Variants in CPPED1 observed in about 807,000 individuals in gnomAD.
CPPED1 encodes the protein serine/threonine-protein phosphatase CPPED1.
In CPPED1, 28 loss-of-function variants were observed where a neutral mutation model predicts 28.0. That is an observed-to-expected ratio of 1.00 (90% confidence interval 0.74 to 1.37). The LOEUF (loss-of-function observed/expected upper bound fraction) is 1.37. Among genes scored for constraint, CPPED1 ranks in the 40% most tolerant of loss-of-function variants. The probability of loss-of-function intolerance (pLI) is 0.00; values close to 1 mark genes in which losing one functional copy is unlikely to be tolerated. For missense variants in CPPED1, 504 were observed against 416.5 expected (o/e 1.21, Z -1.83); for synonymous variants, 198 against 180.2 (o/e 1.10, Z -0.79).
Position 12,696,978 on chromosome 16 carries a change from T to C in CPPED1, c.715+7646A>G, listed in dbSNP as rs558644429. On this transcript the variant is annotated intron_variant, in intron 3 of 3. Coordinates refer to ENST00000381774, the MANE Select transcript of CPPED1 (RefSeq NM_018340.3). ...CTGTACAAACCTCCAAGTTTTGCCTTATCTGCACAGTACTCATACTACTAT... is the reference window on the plus strand; with the variant it reads ...CTGTACAAACCTCCAAGTTTTGCCTCATCTGCACAGTACTCATACTACTAT... 1.5e-4 allele frequency among the ~76,000 whole-genome samples: 23 copies of C among 152,294 alleles called. No homozygotes were observed. The South Asian group carries it at 4.4e-3, about 29-fold the overall frequency.
intron 3 of CPPED1, among the ~76,000 whole-genome samples, chr16:12,700,820 A>C (rs1035785692): frequency 1.3e-5 from 2 of 152,224 alleles, no homozygotes; most frequent in African/African-American, 2.4e-5. Context: ...CTGAGAGTTT[A>C]GCGGGGATTC....
In CPPED1 at chr16:12,672,874, C is replaced by T. The variant is rs185110337; in HGVS notation, c.716-7759G>A. Among the ~76,000 whole-genome samples the T allele has an allele frequency of 1.2e-3, 185 of 152,152 alleles. 1 individual carries two copies. The highest frequency in any genetic ancestry group is 4.3e-3 in the African/African-American group (177 of 41,498). On this transcript the variant is annotated intron_variant, in intron 3 of 3. Coordinates refer to ENST00000381774, the MANE Select transcript of CPPED1 (RefSeq NM_018340.3). ...ACTAAAAATACAAAAACTAGCCAGG[C>T]GTGGTGGCAGGCGCCTGTAATCCTA...
chr16:12,669,391 G>A (rs553258437), intron 3 of CPPED1, among the ~76,000 whole-genome samples: 7 of 152,228 alleles, frequency 4.6e-5, no homozygotes, highest in Non-Finnish European at 7.4e-5. Flanking sequence ...AAAATGGTCT[G>A]CAATTAGATC....
chr16:12,720,975 T>C (rs1029469297), intron 2 of CPPED1, among the ~76,000 whole-genome samples: 2 of 152,206 alleles, frequency 1.3e-5, no homozygotes, highest in Non-Finnish European at 2.9e-5. Context: ...CATGTTGCCA[T>C]AGTATTTCAG....
chr16:12,797,809 T>C (rs2080636623), intron 1 of CPPED1, among the ~76,000 whole-genome samples: 1 of 151,926 alleles, frequency 6.6e-6, no homozygotes, highest in Non-Finnish European at 1.5e-5. Context: ...CAGCAGACCA[T>C]GGGTTGGACA....
chr16:12,785,397 G>C (rs2080556613), intron 1 of CPPED1, among the ~76,000 whole-genome samples: 1 of 150,998 alleles, frequency 6.6e-6, no homozygotes, highest in South Asian at 2.1e-4. Context: ...TTACAGGCAT[G>C]AGCCACCACA....
At chr16:12,685,136 C>G (rs1298366168) in intron 3 of CPPED1, among the ~76,000 whole-genome samples, 1 of 152,164 alleles carries the variant, frequency 6.6e-6, no homozygotes, top group Non-Finnish European at 1.5e-5. Flanking sequence ...ATTGTTTCTT[C>G]AATTTTAAAA....
At position 12,663,144 on chromosome 16, in the gene CPPED1, C is replaced by T. The variant is rs1266141797; in HGVS notation, c.*1742G>A. The T allele has an allele frequency of 2.0e-5, 3 of 151,800 alleles. No homozygotes were observed. Among genetic ancestry groups the T allele is most frequent in the Admixed American group, 6.6e-5 (1 of 15,228 alleles). 9.4% of individuals were successfully genotyped at this position (151,800 alleles called of 1,614,324 possible). ...TGGCATGATCTTGGCTCACTGCAAC[C>T]TCTGCCTCCTGAGTTCCAGCGATCT... On this transcript the variant is annotated 3_prime_UTR_variant, in exon 4 of 4. Coordinates refer to ENST00000381774, the MANE Select transcript of CPPED1 (RefSeq NM_018340.3).
At chr16:12,763,607 CCATT>C (rs2080422434) in intron 2 of CPPED1, among the ~76,000 whole-genome samples, 1 of 152,096 alleles carries the variant, frequency 6.6e-6, no homozygotes, top group South Asian at 2.1e-4. Flanking sequence ...GATGCGAGTA[CCATT>C]ATTATCTGCA....
intron 2 of CPPED1, among the ~76,000 whole-genome samples, chr16:12,737,129 G>A (rs112495695): frequency 9.9e-4 from 151 of 152,298 alleles, no homozygotes; most frequent in Middle Eastern, 3.4e-3. Flanking sequence ...GGTGGAGGTT[G>A]CAGTGAGCTG....
At chr16:12,783,552 C>T (rs2080545002) in intron 1 of CPPED1, among the ~76,000 whole-genome samples, 2 of 151,946 alleles carry the variant, frequency 1.3e-5, no homozygotes, top group South Asian at 4.2e-4. Context: ...GGAAAGGCCT[C>T]TCTGAAGTGG....
In CPPED1 at chr16:12,682,732, C is replaced by T. The variant is rs2079912136; in HGVS notation, c.716-17617G>A. ...CTCAATAATTATACTTTCCTCTCAT[C>T]CTTCTCTAAGTATCTGATCAGAAGA... On this transcript the variant is annotated intron_variant, in intron 3 of 3. Coordinates refer to ENST00000381774, the MANE Select transcript of CPPED1 (RefSeq NM_018340.3). This position sits in a 1 kb window ranked among gnomAD's most constrained non-coding sequence, Gnocchi z 6.1. Among the ~76,000 whole-genome samples the T allele has an allele frequency of 6.6e-6, 1 of 152,244 alleles. No individual in the cohort carries two copies.
chr16:12,706,039 G>A (rs1305486689), intron 2 of CPPED1, among the ~76,000 whole-genome samples: 6 of 152,084 alleles, frequency 3.9e-5, no homozygotes, highest in East Asian at 1.9e-4. Context: ...ATTGTTAGAC[G>A]TGTAAGAGTT....
chr16:12,734,409 C>T (rs1052897276), intron 2 of CPPED1, among the ~76,000 whole-genome samples: 4 of 147,440 alleles, frequency 2.7e-5, no homozygotes, highest in African/African-American at 1.0e-4. Flanking sequence ...GACGGAGTCT[C>T]GCTCTTGTCG....
chr16:12,709,936 AAGGAAGGG>A lies in CPPED1; in HGVS notation c.290-4895_290-4888del, dbSNP rs2080071448. On this transcript the variant is annotated intron_variant, in intron 2 of 3. Transcript: ENST00000381774. The surrounding 1 kb of genome is among the most constrained non-coding windows in gnomAD (Gnocchi z 4.4). ...GGAAGGGAAGGAAGGGAAGGAAGGG[AAGGAAGGG>A]AGGAAGGAAAGAAGGGAAGGAAGGC... Among the ~76,000 whole-genome samples the A allele has an allele frequency of 8.5e-6, 1 of 117,224 alleles. No homozygotes were observed. The highest frequency in any genetic ancestry group is 2.5e-4 in the East Asian group (1 of 3,946). The allele number at this position is 117,224 out of a possible 152,430, so 76.9% of individuals were successfully genotyped here.
At chr16:12,769,549 T>G (rs1260957469) in intron 2 of CPPED1, among the ~76,000 whole-genome samples, 2 of 152,132 alleles carry the variant, frequency 1.3e-5, no homozygotes, top group Non-Finnish European at 2.9e-5. Context: ...TTAAGTAATA[T>G]TCCCAGTTCC....
At chr16:12,726,567 T>C (rs2080171278) in intron 2 of CPPED1, among the ~76,000 whole-genome samples, 1 of 152,062 alleles carries the variant, frequency 6.6e-6, no homozygotes, top group South Asian at 2.1e-4. Context: ...GGTCTTGAAC[T>C]CCTGACCTCA....
At chr16:12,708,634 T>C (rs185376328) in intron 2 of CPPED1, among the ~76,000 whole-genome samples, 1 of 152,354 alleles carries the variant, frequency 6.6e-6, no homozygotes, top group East Asian at 1.9e-4. Context: ...AATCCTAGAT[T>C]ACAAAAACCC....
chr16:12,724,179 G>A (rs1178023098), intron 2 of CPPED1, among the ~76,000 whole-genome samples: 1 of 152,084 alleles, frequency 6.6e-6, no homozygotes, highest in African/African-American at 2.4e-5. Context: ...CAGTGGTGGC[G>A]GCCTGGATGG....
Sources: allele counts gnomAD v4.1 joint callset (sites outside exome capture counted in the v4.1 genomes callset), GRCh38; gene constraint gnomAD v4.1.1; non-coding constraint Gnocchi (gnomAD v3.1); transcripts MANE v1.5; gene names NCBI Gene and HGNC (gene_info 2026-07-23, HGNC 2026-07-21).